The following OGG1 variants were observed in gnomAD, a reference collection of about 807,000 sequenced individuals.
OGG1 encodes N-glycosylase/DNA lyase.
In OGG1, 35 loss-of-function variants were observed where a neutral mutation model predicts 42.3. The observed-to-expected ratio is 0.83, with a 90% CI of 0.63 to 1.10. OGG1 has a LOEUF of 1.10. Among genes scored for constraint, OGG1 ranks in the 50% least tolerant of loss-of-function variants. The pLI is 0.00. For synonymous variants in OGG1, 189 were observed against 179.0 expected, an observed-to-expected ratio of 1.06 and a Z score of -0.44; for missense variants, 484 against 446.7, an observed-to-expected ratio of 1.08 and a Z score of -0.75.
chr3:9,772,718 G>T (rs1255164309), intron 2 of OGG1, among the ~76,000 whole-genome samples: 1 of 152,138 alleles, frequency 6.6e-6, no homozygotes, highest in Non-Finnish European at 1.5e-5. Flanking sequence ...GAGAATTAGG[G>T]TGCTATATTG....
intron 2 of OGG1, among the ~76,000 whole-genome samples, chr3:9,781,335 ACT>A (rs751423496): frequency 1.5e-4 from 22 of 151,060 alleles, no homozygotes; most frequent in Non-Finnish European, 2.1e-4. Flanking sequence ...AGGCACACCC[ACT>A]CTCTCTCTCT....
intron 2 of OGG1, among the ~76,000 whole-genome samples, chr3:9,777,808 C>T (rs546882976): frequency 7.9e-5 from 12 of 152,314 alleles, no homozygotes; most frequent in South Asian, 4.1e-4. Context: ...CTACCAACAA[C>T]GCCCACCATA....
At chr3:9,779,387 T>A (rs2078409226) in intron 2 of OGG1, among the ~76,000 whole-genome samples, 1 of 151,990 alleles carries the variant, frequency 6.6e-6, no homozygotes, top group African/African-American at 2.4e-5. Context: ...CTGTGCTGGA[T>A]GTAAATGAGG....
At chr3:9,756,670 A>G (rs2077576742) in intron 5 of OGG1, 49 bp downstream of exon 5, 1 of 1,612,174 alleles carries the variant, frequency 6.2e-7, no homozygotes, top group African/African-American at 1.3e-5. Flanking sequence ...GATGGTAGAA[A>G]CTTCTCTCTC....
chr3:9,751,100 A>G lies in OGG1; in HGVS notation c.293A>G (p.Lys98Arg), dbSNP rs769664060. The change falls in exon 2 of 7, where the codon AAG becomes AGG. Residue 98 changes from lysine (K) to arginine (R), a missense_variant. Coordinates refer to ENST00000344629, the MANE Select transcript of OGG1 (RefSeq NM_002542.6). ...PTPDELEAVRKYFQLDVTLAQ... is the reference protein window; with the variant it reads ...PTPDELEAVRRYFQLDVTLAQ... ...CCAGACGAGCTGGAGGCCGTGCGCA[A>G]GTACTTCCAGCTAGATGTTACCCTG... 1.5e-5 allele frequency: 25 copies of G among 1,614,090 alleles called. No homozygotes were observed. The South Asian group carries it at 2.3e-4, about 15-fold the overall frequency.
intron 1 of OGG1, 50 bp downstream of exon 1, chr3:9,750,473 C>T (rs1480248200): frequency 6.2e-7 from 1 of 1,610,034 alleles, no homozygotes; most frequent in African/African-American, 1.3e-5. Flanking sequence ...GCTCCTGCCG[C>T]CTCAACACTG....
chr3:9,762,716 G>A (rs148290004), intron 7 of OGG1, among the ~76,000 whole-genome samples: 1 of 151,966 alleles, frequency 6.6e-6, no homozygotes, highest in Non-Finnish European at 1.5e-5. Context: ...TGGATAAAAT[G>A]CCACACAATT....
In OGG1 at chr3:9,750,020, G is replaced by A; in HGVS notation, c.-267G>A. ...CTGTGCGCGCCCACAGGCTCTGGGG[G>A]CGGGAGAAGATAAGTCGCAAGGAGG... is the stretch of plus-strand genomic sequence containing the variant. On this transcript the variant is annotated 5_prime_UTR_variant, in exon 1 of 7. Coordinates refer to ENST00000344629, the MANE Select transcript of OGG1 (RefSeq NM_002542.6). 3.8e-6 allele frequency: 2 copies of A among 529,824 alleles called. No individual in the cohort carries two copies. Among genetic ancestry groups the A allele is most frequent in the Admixed American group, 3.3e-5 (1 of 30,764 alleles). 32.8% of individuals were successfully genotyped at this position (529,824 alleles called of 1,614,324 possible).
intron 6 of OGG1, 112 bp downstream of exon 6, chr3:9,756,928 C>A: frequency 6.2e-7 from 1 of 1,612,034 alleles, no homozygotes; most frequent in South Asian, 1.1e-5. Flanking sequence ...CACCCCTGTC[C>A]CAACCCCAGT....
At chr3:9,759,444 G>T (rs760975814), downstream of OGG1, 2 of 1,613,070 alleles carry the variant, frequency 1.2e-6, no homozygotes, top group Non-Finnish European at 1.7e-6. Flanking sequence ...GGATGGGGAG[G>T]AGTCCTGGGG....
downstream of OGG1, chr3:9,767,841 C>T: frequency 6.4e-7 from 1 of 1,554,628 alleles, no homozygotes. Flanking sequence ...TGGGAATTTA[C>T]TGCAGGCCCC....
chr3:9,761,842 G>C (rs951489369), downstream of OGG1: 1 of 1,539,192 alleles, frequency 6.5e-7, no homozygotes. Flanking sequence ...CACCTTCTGA[G>C]AAATAATGGA....
At chr3:9,759,140 A>G, downstream of OGG1, 4 of 1,441,604 alleles carry the variant, frequency 2.8e-6, no homozygotes, top group Non-Finnish European at 3.9e-6. Context: ...CGGAATGGCT[A>G]TAGACATTAT....
At chr3:9,787,466 G>T in intron 3 of OGG1, 1 of 1,345,598 alleles carries the variant, frequency 7.4e-7, no homozygotes, top group Non-Finnish European at 1.0e-6. Context: ...CCAGTGTCAG[G>T]TGTAGGTAAG....
intron 2 of OGG1, among the ~76,000 whole-genome samples, chr3:9,776,577 G>A (rs1284946401): frequency 2.0e-5 from 3 of 151,882 alleles, no homozygotes; most frequent in Non-Finnish European, 2.9e-5. Context: ...TTTTAGTAGC[G>A]AAGGGGTTTC....
At chr3:9,787,528 G>A (rs1158618543) in intron 3 of OGG1, 14 of 1,011,382 alleles carry the variant, frequency 1.4e-5, no homozygotes, top group Non-Finnish European at 2.0e-5. Context: ...AGGGAGACAG[G>A]TCCAAAAAGA....
rs552777105 is a variant in OGG1 at position 9,756,178 on chromosome 3, G to A, written c.748-293G>A. Among the ~76,000 whole-genome samples the A allele has an allele frequency of 6.6e-5, 10 of 152,262 alleles. No homozygotes were observed. In the East Asian group the frequency reaches 1.2e-3, roughly 18 times the overall value. On this transcript the variant is annotated intron_variant, in intron 4 of 6. Coordinates refer to ENST00000344629, the MANE Select transcript of OGG1 (RefSeq NM_002542.6). Reference sequence around the variant, plus strand: ...CTAAAAACACAAAAATTAGCCACACGTGGTGGCACATGCCTGTAATCCCAG... The same window carrying A: ...CTAAAAACACAAAAATTAGCCACACATGGTGGCACATGCCTGTAATCCCAG...
intron 2 of OGG1, among the ~76,000 whole-genome samples, chr3:9,779,332 G>A (rs1056312175): frequency 1.3e-5 from 2 of 152,150 alleles, no homozygotes; most frequent in African/African-American, 2.4e-5. Flanking sequence ...AAGGCTTCTT[G>A]CTTCTGTAGA....
chr3:9,787,574 T>G, intron 3 of OGG1: 1 of 1,016,208 alleles, frequency 9.8e-7, no homozygotes, highest in Non-Finnish European at 1.4e-6. Context: ...TCTGAAATAA[T>G]TCCCAAGATA....
Sources: allele counts gnomAD v4.1 joint callset (sites outside exome capture counted in the v4.1 genomes callset), GRCh38; gene constraint gnomAD v4.1.1; transcripts MANE v1.5; gene names NCBI Gene and HGNC (gene_info 2026-07-23, HGNC 2026-07-21).